Variants in PEX26 observed in about 807,000 individuals in gnomAD.
PEX26 encodes the protein peroxisomal biogenesis factor 26.
PEX26 carries 18 observed loss-of-function variants against 31.4 expected under a neutral mutation model. The ratio of observed to expected loss-of-function variants is 0.57; its 90% CI spans 0.40 to 0.85. PEX26 has a LOEUF of 0.85. Among genes scored for constraint, PEX26 ranks in the 40% least tolerant of loss-of-function variants. The pLI is 0.00. For synonymous variants in PEX26, 176 were observed against 166.9 expected, an observed-to-expected ratio of 1.05 and a Z score of -0.42; for missense variants, 377 against 383.9, an observed-to-expected ratio of 0.98 and a Z score of 0.15.
intron 3 of PEX26, 39 bp from the exon 4 acceptor site, chr22:18,085,073 C>G: frequency 6.2e-7 from 1 of 1,611,866 alleles, no homozygotes; most frequent in Middle Eastern, 1.7e-4. Flanking sequence ...AGCTGATTCC[C>G]ATGACATCCC....
At chr22:18,084,509 C>T (rs1306175185) in intron 3 of PEX26, among the ~76,000 whole-genome samples, 1 of 151,992 alleles carries the variant, frequency 6.6e-6, no homozygotes, top group Non-Finnish European at 1.5e-5. Flanking sequence ...TCCCAAAGTG[C>T]TGGGATTACT....
rs1038242517 is a variant in PEX26 at position 18,079,976 on chromosome 22, G to A, written c.333G>A (p.Gln111=). The A allele has an allele frequency of 1.9e-6, 3 of 1,613,980 alleles. No individual in the cohort carries two copies. Among genetic ancestry groups the A allele is most frequent in the African/African-American group, 2.7e-5 (2 of 74,888 alleles). The stretch of plus-strand genomic sequence containing the variant: ...TCTCCTGGGTCCTTCAGTATTACCA[G>A]GTCCCTGAAAAGCTACCCCCCAAAG... ...EVLSWVLQYY[Q]VPEKLPPKVL... Residue 111 remains glutamine (Q), a synonymous_variant, in exon 2 of 5, where the codon CAG becomes CAA. Transcript: ENST00000399744.
chr22:18,081,132 A>G (rs1436260699), intron 2 of PEX26, among the ~76,000 whole-genome samples: 5 of 126,482 alleles, frequency 4.0e-5, no homozygotes, highest in Admixed American at 1.7e-4. Flanking sequence ...ATTCTTTTTT[A>G]TGGCTATATA....
rs2123643213 is a variant in PEX26, at chr22:18,078,263, G to T, written c.-114G>T. On this transcript the variant is annotated 5_prime_UTR_variant, in exon 1 of 5. Coordinates refer to ENST00000399744, the MANE Select transcript of PEX26 (RefSeq NM_001127649.3). ...GAATCGACCTCGGGAAGGGGTGTGG[G>T]CAAAGAGATGAGGACTCTCCCTCTT... 2.5e-6 allele frequency: 2 copies of T among 795,494 alleles called. No individual in the cohort carries two copies. The highest frequency in any genetic ancestry group is 5.3e-5 in the East Asian group (2 of 37,656). The allele number at this position is 795,494 out of a possible 1,614,324, so 49.3% of individuals were successfully genotyped here. A position where few individuals can be genotyped will look rare whatever the true frequency, so the allele number is the denominator to read the frequency against.
intron 4 of PEX26, among the ~76,000 whole-genome samples, 182 bp from the exon 5 acceptor site, chr22:18,087,790 A>C (rs1258565006): frequency 6.6e-6 from 1 of 152,196 alleles, no homozygotes; most frequent in Non-Finnish European, 1.5e-5. Context: ...TTGAGGCTGC[A>C]GTGAGCTGAA....
Position 18,083,621 on chromosome 22 carries a change from G to A in PEX26, c.556G>A (p.Ala186Thr), listed in dbSNP as rs763478253. The A allele has an allele frequency of 2.5e-6, 4 of 1,614,116 alleles. No individual in the cohort carries two copies. In the South Asian group the frequency reaches 3.3e-5, roughly 13 times the overall value. Residue 186 changes from alanine (A) to threonine (T), a missense_variant, in exon 3 of 5, where the codon GCC (alanine) becomes ACC (threonine). Coordinates refer to ENST00000399744, the MANE Select transcript of PEX26 (RefSeq NM_001127649.3). ...TGAGGAGCTAGTGGTGGGCTCTGCAGCCTTTGGTGAGGAGCGGCGACTGGA... is the reference window on the plus strand; with the variant it reads ...TGAGGAGCTAGTGGTGGGCTCTGCAACCTTTGGTGAGGAGCGGCGACTGGA... ...EAEELVVGSA[A>T]FGEERRLDVL...
chr22:18,078,443 G>A lies in PEX26; in HGVS notation c.67G>A (p.Glu23Lys), dbSNP rs1472654311. ...RGLGGPLRSS[E>K]PVRAVPARAP... ...GCTCGGGGGACCCCTGCGCAGCAGCGAGCCGGTGCGCGCGGTCCCGGCCCG... is the reference window on the plus strand; with the variant it reads ...GCTCGGGGGACCCCTGCGCAGCAGCAAGCCGGTGCGCGCGGTCCCGGCCCG... Residue 23 changes from glutamate to lysine, a missense_variant, in exon 1 of 5, where the codon GAG becomes AAG. By Grantham distance (56) the Glu-to-Lys change is moderately conservative. Coordinates refer to ENST00000399744, the MANE Select transcript of PEX26 (RefSeq NM_001127649.3). 2 of 1,580,292 alleles carry A rather than the reference G, an allele frequency of 1.3e-6. No individual in the cohort carries two copies. Among genetic ancestry groups the A allele is most frequent in the Non-Finnish European group, 1.7e-6 (2 of 1,166,340 alleles).
intron 2 of PEX26, among the ~76,000 whole-genome samples, chr22:18,081,194 T>G (rs920814014): frequency 1.3e-5 from 2 of 150,812 alleles, no homozygotes; most frequent in African/African-American, 4.9e-5. Context: ...TGTATATATA[T>G]ACACATATAT....
At position 18,082,012 on chromosome 22, in the gene PEX26, C is replaced by T. The variant is rs541063863; in HGVS notation, c.372-1425C>T. Among the ~76,000 whole-genome samples the T allele has an allele frequency of 7.3e-5, 11 of 150,012 alleles. No individual in the cohort carries two copies. The South Asian group carries it at 1.5e-3, about 20-fold the overall frequency. On this transcript the variant is annotated intron_variant, in intron 2 of 4. Transcript: ENST00000399744. ...TTTCATATACCTGTTGGCCATGGTA[C>T]GTCGTCTTCTGAGAAATGTCTGTTG...
rs2123667533 is a variant in PEX26 at position 18,091,024 on chromosome 22, A to G, written c.*2949A>G. ...AAAATACGGAATTCAAAAGTTACAA[A>G]AAGGGTATTCTTGGAAAAGAAAGTT... On this transcript the variant is annotated 3_prime_UTR_variant, in exon 5 of 5. Coordinates refer to ENST00000399744, the MANE Select transcript of PEX26 (RefSeq NM_001127649.3). 1 of 152,384 alleles carries G rather than the reference A, an allele frequency of 6.6e-6. No homozygotes were observed. Among genetic ancestry groups the G allele is most frequent in the Middle Eastern group, 3.4e-3 (1 of 294 alleles). The allele number at this position is 152,384 out of a possible 1,614,324, so 9.4% of individuals were successfully genotyped here. A position where few individuals can be genotyped will look rare whatever the true frequency, so the allele number is the denominator to read the frequency against.
In PEX26 at chr22:18,078,584, G is replaced by A; in HGVS notation, c.208G>A (p.Val70Met). Residue 70 changes from valine to methionine, a missense_variant, in exon 1 of 5, where the codon GTG (valine) becomes ATG (methionine). By Grantham distance (21) the Val-to-Met change is conservative (BLOSUM62 1). Transcript: ENST00000399744. ...CTGGCAGAGTCTGGCCAACCACGCC[G>A]TGGCAGAGGAACCCGCGGGCACGTA... ...RAWQSLANHA[V>M]AEEPAGTSLE... 6.2e-7 allele frequency: 1 copy of A among 1,600,174 alleles called. No individual in the cohort carries two copies. The highest frequency in any genetic ancestry group is 8.5e-7 in the Non-Finnish European group (1 of 1,175,848).
chr22:18,085,330 G>C, intron 4 of PEX26, 72 bp downstream of exon 4: 1 of 1,504,184 alleles, frequency 6.6e-7, no homozygotes, highest in Non-Finnish European at 9.2e-7. Context: ...GTGGGAGTGG[G>C]TGTTTGTCAG....
At chr22:18,080,055 G>A (rs996598324) in intron 2 of PEX26, 41 bp downstream of exon 2, 20 of 1,609,548 alleles carry the variant, frequency 1.2e-5, no homozygotes, top group African/African-American at 4.0e-5. Context: ...GTTCAGAAAC[G>A]AGAGGATTTT....
Position 18,101,995 on chromosome 22 carries a change from A to T in PEX26, c.*13920A>T. 6.5e-6 allele frequency: 1 copy of T among 153,030 alleles called. No individual in the cohort carries two copies. The allele number at this position is 153,030 out of a possible 1,614,324, so 9.5% of individuals were successfully genotyped here. A position where few individuals can be genotyped will look rare whatever the true frequency, so the allele number is the denominator to read the frequency against. On this transcript the variant is annotated 3_prime_UTR_variant, in exon 5 of 5. Coordinates refer to ENST00000399744, the MANE Select transcript of PEX26 (RefSeq NM_001127649.3). ...AGATGGAGTGGGTAGAGATTCAGGT[A>T]TGGAGATGTCAGTGTCTAACTTTCT...
In PEX26 at chr22:18,097,907, G is replaced by A. The variant is rs1044306402; in HGVS notation, c.*9832G>A. The A allele has an allele frequency of 3.9e-5, 6 of 152,100 alleles. No individual in the cohort carries two copies. Among genetic ancestry groups the A allele is most frequent in the African/African-American group, 1.4e-4 (6 of 41,424 alleles). 9.4% of individuals were successfully genotyped at this position (152,100 alleles called of 1,614,324 possible). On this transcript the variant is annotated 3_prime_UTR_variant, in exon 5 of 5. Transcript: ENST00000399744. ...AATAAAGGACAATATGTAATTAATG[G>A]TAATTATAATACAGCCTTCTAGAGG...
rs191747009 is a variant in PEX26 at position 18,102,379 on chromosome 22, C to T, written c.*14304C>T. 6.5e-6 allele frequency: 1 copy of T among 154,268 alleles called. No homozygotes were observed. Among genetic ancestry groups the T allele is most frequent in the Admixed American group, 6.5e-5 (1 of 15,292 alleles). The allele number at this position is 154,268 out of a possible 1,614,324, so 9.6% of individuals were successfully genotyped here. ...GTCTTTCCAAGATGTATTGTTCTAT[C>T]CTCAATAGCTGCAGCCTCTCCAAGC... is the stretch of plus-strand genomic sequence containing the variant. On this transcript the variant is annotated 3_prime_UTR_variant, in exon 5 of 5. Coordinates refer to ENST00000399744, the MANE Select transcript of PEX26 (RefSeq NM_001127649.3).
chr22:18,100,907 G>A lies in PEX26; in HGVS notation c.*12832G>A, dbSNP rs547438676. ...AAACACAGTTAATATGCTGGAAGAA[G>A]AGGATAGCTTTTAGTCTATTTCCAG... is the stretch of plus-strand genomic sequence containing the variant. On this transcript the variant is annotated 3_prime_UTR_variant, in exon 5 of 5. Coordinates refer to ENST00000399744, the MANE Select transcript of PEX26 (RefSeq NM_001127649.3). 7.2e-5 allele frequency: 11 copies of A among 152,356 alleles called. No individual in the cohort carries two copies. Among genetic ancestry groups the A allele is most frequent in the African/African-American group, 2.2e-4 (9 of 41,582 alleles). 9.4% of individuals were successfully genotyped at this position (152,356 alleles called of 1,614,324 possible). A position where few individuals can be genotyped will look rare whatever the true frequency, so the allele number is the denominator to read the frequency against.
At chr22:18,085,322 G>C in intron 4 of PEX26, 64 bp downstream of exon 4, 1 of 1,550,096 alleles carries the variant, frequency 6.5e-7, no homozygotes. Flanking sequence ...CTGGGCCTGT[G>C]GGAGTGGGTG....
chr22:18,079,730 T>G (rs1926470437), intron 1 of PEX26, 144 bp from the exon 2 acceptor site: 2 of 949,414 alleles, frequency 2.1e-6, no homozygotes, highest in Admixed American at 3.8e-5. Context: ...TGAGACCAAT[T>G]GTGAAGCCCA....
Sources: gnomAD v4.1 joint callset for allele counts (sites outside exome capture counted in the v4.1 genomes callset) on GRCh38, gnomAD v4.1.1 for gene constraint, MANE v1.5 for transcripts, NCBI Gene and HGNC (gene_info 2026-07-23, HGNC 2026-07-21) for gene names.